The following UBE2D2 variants were observed in gnomAD, a reference collection of about 807,000 sequenced individuals.
The protein encoded by UBE2D2 is ubiquitin conjugating enzyme E2 D2.
Under a neutral mutation model 24.2 loss-of-function variants are expected in UBE2D2, and 2 were observed. That is an observed-to-expected ratio of 0.08 (90% CI 0.03 to 0.26). The LOEUF is 0.26. Among genes scored for constraint, UBE2D2 ranks in the 10% least tolerant of loss-of-function variants. The probability of loss-of-function intolerance (pLI) is 1.00; values close to 1 mark genes in which losing one functional copy is unlikely to be tolerated. For synonymous variants in UBE2D2, 58 were observed against 56.5 expected (o/e 1.03, Z -0.12); for missense variants, 44 against 177.6 (o/e 0.25, Z 4.28).
chr5:139,574,753 A>G (rs1561507782), intron 1 of UBE2D2, among the ~76,000 whole-genome samples: 1 of 150,290 alleles, frequency 6.7e-6, no homozygotes, highest in African/African-American at 2.4e-5. Context: ...AAAAAAAAAA[A>G]GAAAAGAAAA....
intron 1 of UBE2D2, among the ~76,000 whole-genome samples, chr5:139,571,406 C>CAAAA (rs549829203): frequency 2.3e-5 from 2 of 88,182 alleles, no homozygotes; most frequent in African/African-American, 4.4e-5. Context: ...GACTCCCTCT[C>CAAAA]AAAAAAAAAA....
intron 1 of UBE2D2, among the ~76,000 whole-genome samples, chr5:139,533,541 T>G (rs976104971): frequency 2.6e-5 from 4 of 151,396 alleles, no homozygotes; most frequent in Admixed American, 2.6e-4. Context: ...TCCCAGCTAC[T>G]CGGGAGGCTG....
At chr5:139,546,975 C>A (rs1381352643) in intron 1 of UBE2D2, among the ~76,000 whole-genome samples, 1 of 151,530 alleles carries the variant, frequency 6.6e-6, no homozygotes, top group South Asian at 2.1e-4. Context: ...CTCACTGCAA[C>A]CTCCTTCTCC....
At chr5:139,576,568 G>A (rs984416862) in intron 1 of UBE2D2, among the ~76,000 whole-genome samples, 2 of 151,764 alleles carry the variant, frequency 1.3e-5, no homozygotes, top group Non-Finnish European at 1.5e-5. Flanking sequence ...GGGGTTTCAC[G>A]TTGTTAGCCA....
At chr5:139,528,804 G>A (rs1039762962) in intron 1 of UBE2D2, among the ~76,000 whole-genome samples, 1 of 152,060 alleles carries the variant, frequency 6.6e-6, no homozygotes, top group Non-Finnish European at 1.5e-5. Flanking sequence ...TAGAAGTACT[G>A]GACTCAGTTT....
At chr5:139,551,061 G>A (rs368381486) in intron 1 of UBE2D2, among the ~76,000 whole-genome samples, 14 of 152,096 alleles carry the variant, frequency 9.2e-5, no homozygotes, top group Admixed American at 2.6e-4. Flanking sequence ...ATATTTCACC[G>A]GCGGGGGAGG....
At chr5:139,568,588 C>A (rs1342994830) in intron 1 of UBE2D2, among the ~76,000 whole-genome samples, 1 of 152,064 alleles carries the variant, frequency 6.6e-6, no homozygotes, top group Non-Finnish European at 1.5e-5. Context: ...AACCGGGAGG[C>A]AGAGCTTGCA....
intron 1 of UBE2D2, among the ~76,000 whole-genome samples, chr5:139,584,325 T>A (rs1288885841): frequency 6.6e-6 from 1 of 152,198 alleles, no homozygotes; most frequent in Non-Finnish European, 1.5e-5. Context: ...GCCTAGGTTA[T>A]ACCATCTCGG....
intron 1 of UBE2D2, among the ~76,000 whole-genome samples, chr5:139,594,397 G>GT (rs1055954376): frequency 5.9e-5 from 9 of 151,446 alleles, no homozygotes; most frequent in Admixed American, 1.3e-4. Context: ...TTAATTATCT[G>GT]TTTTTTTTCT....
At chr5:139,570,540 C>T (rs545346880) in intron 1 of UBE2D2, among the ~76,000 whole-genome samples, 20 of 151,904 alleles carry the variant, frequency 1.3e-4, no homozygotes, top group Non-Finnish European at 2.6e-4. Flanking sequence ...GAGATGGAGT[C>T]TAGCTCTGAC....
At chr5:139,609,961 C>T (rs1341161710) in intron 2 of UBE2D2, among the ~76,000 whole-genome samples, 1 of 151,276 alleles carries the variant, frequency 6.6e-6, no homozygotes, top group African/African-American at 2.4e-5. Flanking sequence ...TCAGTAGAGA[C>T]AGGGTGTCAC....
intron 1 of UBE2D2, chr5:139,562,204 C>A (rs759183030): frequency 1.0e-4 from 142 of 1,380,966 alleles, no homozygotes; most frequent in Non-Finnish European, 1.3e-4. Flanking sequence ...GAAAGGGCTT[C>A]TCGCCCCATT....
chr5:139,551,006 T>G (rs115414950), intron 1 of UBE2D2, among the ~76,000 whole-genome samples: 2,029 of 152,182 alleles, frequency 0.013, 17 homozygotes, highest in Non-Finnish European at 0.023. Flanking sequence ...GACCTTGGTA[T>G]GGGAAAAAGC....
At chr5:139,554,931 G>A (rs1292228952) in intron 1 of UBE2D2, 2 of 152,202 alleles carry the variant, frequency 1.3e-5, no homozygotes, top group African/African-American at 4.8e-5. Flanking sequence ...AGTGGGCACG[G>A]AAAAGGGACA....
intron 1 of UBE2D2, chr5:139,562,303 C>G (rs771686510): frequency 7.4e-7 from 1 of 1,351,188 alleles, no homozygotes; most frequent in Non-Finnish European, 9.8e-7. Context: ...GCCCGATCCA[C>G]AAGTATATCC....
intron 1 of UBE2D2, among the ~76,000 whole-genome samples, chr5:139,552,226 T>C (rs1246955235): frequency 1.3e-5 from 2 of 151,928 alleles, no homozygotes; most frequent in African/African-American, 4.8e-5. Context: ...ATAGTGGCGT[T>C]ATCTGGGCTC....
intron 2 of UBE2D2, among the ~76,000 whole-genome samples, chr5:139,605,785 C>G (rs2126691947): frequency 6.6e-6 from 1 of 151,144 alleles, no homozygotes; most frequent in Middle Eastern, 3.4e-3. Flanking sequence ...GTTGCCCAGG[C>G]TAGAGTGCAG....
chr5:139,591,922 G>A (rs939465443), intron 1 of UBE2D2, among the ~76,000 whole-genome samples: 14 of 152,162 alleles, frequency 9.2e-5, no homozygotes, highest in Admixed American at 2.0e-4. Context: ...ACCTGGGGCC[G>A]GGCGCGGTGG....
At chr5:139,625,797 AT>A (rs1754612876) in intron 6 of UBE2D2, among the ~76,000 whole-genome samples, 1 of 151,238 alleles carries the variant, frequency 6.6e-6, no homozygotes, top group Non-Finnish European at 1.5e-5. Flanking sequence ...TAGAGACGGG[AT>A]TTTGCCATGT....
Sources: gnomAD v4.1 joint callset for allele counts (sites outside exome capture counted in the v4.1 genomes callset) on GRCh38, gnomAD v4.1.1 for gene constraint, MANE v1.5 for transcripts, NCBI Gene and HGNC (gene_info 2026-07-23, HGNC 2026-07-21) for gene names.